WWOX: variants seen among roughly 807,000 people sequenced by gnomAD.
The protein encoded by WWOX is WW domain-containing oxidoreductase.
A neutral mutation model predicts 46.2 loss-of-function variants in WWOX; 69 were observed. The observed-to-expected ratio is 1.49, with a 90% CI of 1.23 to 1.82. WWOX has a LOEUF of 1.82. WWOX is among the 40% of genes most tolerant of loss of function. WWOX has a pLI of 0.00. For missense variants in WWOX, 919 were observed against 542.6 expected (o/e 1.69, Z -6.89); for synonymous variants, 359 against 202.6 (o/e 1.77, Z -6.56).
At chr16:78,547,110 T>G (rs1293490531) in intron 8 of WWOX, among the ~76,000 whole-genome samples, 4 of 122,234 alleles carry the variant, frequency 3.3e-5, no homozygotes, top group East Asian at 2.4e-4. Flanking sequence ...CCTGGGAGAG[T>G]GTGAGACCTT....
chr16:78,115,037 C>A lies in WWOX; in HGVS notation c.292C>A (p.Pro98Thr), dbSNP rs1403389679. The A allele has an allele frequency of 6.2e-7, 1 of 1,614,168 alleles. No homozygotes were observed. The highest frequency in any genetic ancestry group is 1.1e-5 in the South Asian group (1 of 91,086). The change falls in exon 4 of 9, where the codon CCG becomes ACG. Residue 98 changes from proline (P) to threonine (T), a missense_variant. Pro to Thr is a conservative substitution (Grantham distance 38). Transcript: ENST00000566780. Reference sequence around the variant, plus strand: ...ACTGGCGTTTACTGTGGATGATAATCCGACCAAGCCAACCACCCGGCAAAG... The same window carrying A: ...ACTGGCGTTTACTGTGGATGATAATACGACCAAGCCAACCACCCGGCAAAG... ...PRLAFTVDDN[P>T]TKPTTRQRYD... is the part of the protein sequence containing the mutation.
intron 8 of WWOX, among the ~76,000 whole-genome samples, chr16:79,058,402 G>T (rs563431509): frequency 6.6e-6 from 1 of 152,058 alleles, no homozygotes; most frequent in Non-Finnish European, 1.5e-5. Context: ...TTTGAATTGT[G>T]TGATTATTGT....
intron 5 of WWOX, among the ~76,000 whole-genome samples, chr16:78,240,186 A>G (rs2037590406): frequency 6.6e-6 from 1 of 152,150 alleles, no homozygotes; most frequent in South Asian, 2.1e-4. Context: ...CCTCATGAGA[A>G]GAGGAAAGCA....
intron 8 of WWOX, among the ~76,000 whole-genome samples, chr16:78,772,433 C>G (rs1457175754): frequency 6.6e-6 from 1 of 151,678 alleles, no homozygotes; most frequent in African/African-American, 2.4e-5. Flanking sequence ...TTTTTTAATC[C>G]AATCTGTCAT....
intron 8 of WWOX, among the ~76,000 whole-genome samples, chr16:79,056,809 C>G (rs759990772): frequency 1.3e-5 from 2 of 152,126 alleles, no homozygotes. Flanking sequence ...ACTTGATTTT[C>G]TTTAAAGGAC....
intron 7 of WWOX, among the ~76,000 whole-genome samples, chr16:78,428,855 G>A (rs1039950575): frequency 1.3e-5 from 2 of 152,110 alleles, no homozygotes; most frequent in South Asian, 4.1e-4. Context: ...AGAATAAGCA[G>A]AAACCAAAAG....
At chr16:78,460,354 C>G (rs1463008751) in intron 8 of WWOX, among the ~76,000 whole-genome samples, 1 of 152,124 alleles carries the variant, frequency 6.6e-6, no homozygotes, top group African/African-American at 2.4e-5. Flanking sequence ...TCTCAAACTA[C>G]TGACCTCTCC....
intron 8 of WWOX, among the ~76,000 whole-genome samples, chr16:78,700,250 G>T (rs1444164614): frequency 6.7e-6 from 1 of 150,066 alleles, no homozygotes; most frequent in East Asian, 2.0e-4. Context: ...GTTGGTTTCT[G>T]GTGAGTGCTC....
chr16:78,454,625 C>T lies in WWOX; in HGVS notation c.1056+21873C>T, dbSNP rs1455646551. 3.3e-5 allele frequency among the ~76,000 whole-genome samples: 5 copies of T among 152,160 alleles called. No individual in the cohort carries two copies. In the East Asian group the frequency reaches 9.6e-4, roughly 29 times the overall value. ...GGATCAAGCGATTCTCCTGCCTCAG[C>T]CTCTTGAGTAGCTGGGATTACAGGC... is the stretch of plus-strand genomic sequence containing the variant. On this transcript the variant is annotated intron_variant, in intron 8 of 8. Coordinates refer to ENST00000566780, the MANE Select transcript of WWOX (RefSeq NM_016373.4).
At chr16:78,139,585 C>T (rs2033916074) in intron 4 of WWOX, among the ~76,000 whole-genome samples, 1 of 152,168 alleles carries the variant, frequency 6.6e-6, no homozygotes, top group South Asian at 2.1e-4. Flanking sequence ...GCGGAGGTTG[C>T]AGCGAGCTGA....
chr16:78,299,848 A>C (rs530114412), intron 5 of WWOX, among the ~76,000 whole-genome samples: 1 of 152,146 alleles, frequency 6.6e-6, no homozygotes, highest in African/African-American at 2.4e-5. Flanking sequence ...ATTTCTTGTC[A>C]AGCAGGACAT....
intron 8 of WWOX, among the ~76,000 whole-genome samples, chr16:78,777,337 T>G (rs2142541015): frequency 6.6e-6 from 1 of 152,298 alleles, no homozygotes; most frequent in East Asian, 1.9e-4. Flanking sequence ...TCCAGGACAG[T>G]GGCCCCATGT....
chr16:78,220,482 C>G (rs1054344959), intron 5 of WWOX, among the ~76,000 whole-genome samples: 3 of 152,002 alleles, frequency 2.0e-5, no homozygotes, highest in Non-Finnish European at 4.4e-5. Context: ...TTTAATTTCT[C>G]GACAGTCTCC....
chr16:78,939,469 C>G (rs1470619762), intron 8 of WWOX, among the ~76,000 whole-genome samples: 1 of 152,130 alleles, frequency 6.6e-6, no homozygotes, highest in Non-Finnish European at 1.5e-5. Flanking sequence ...TAAGGGTGGA[C>G]TTAATTTTTT....
chr16:78,810,985 G>A (rs2051174067), intron 8 of WWOX, among the ~76,000 whole-genome samples: 1 of 152,138 alleles, frequency 6.6e-6, no homozygotes, highest in African/African-American at 2.4e-5. Flanking sequence ...GTGAACCGAG[G>A]ACGCATCAAA....
At chr16:78,475,066 A>G (rs1228440872) in intron 8 of WWOX, among the ~76,000 whole-genome samples, 3 of 152,198 alleles carry the variant, frequency 2.0e-5, no homozygotes, top group African/African-American at 7.2e-5. Context: ...TGTGTTTGTC[A>G]GGTGCATAAA....
chr16:78,957,539 A>T (rs975712895), intron 8 of WWOX, among the ~76,000 whole-genome samples: 1 of 152,178 alleles, frequency 6.6e-6, no homozygotes, highest in African/African-American at 2.4e-5. Context: ...CTACTGCTGC[A>T]CACCTTTAAT....
In WWOX at chr16:78,333,043, C is replaced by CTTTTTTTTTTTTTTTTTTTTTTTTTTTT. The variant is rs11289222; in HGVS notation, c.517-53793_517-53792insTTTTTTTTTTTTTTTTTTTTTTTTTTTT. Among the ~76,000 whole-genome samples the CTTTTTTTTTTTTTTTTTTTTTTTTTTTT allele has an allele frequency of 3.9e-4, 22 of 57,122 alleles. 7 individuals carry two copies. The highest frequency in any genetic ancestry group is 4.6e-4 in the Non-Finnish European group (12 of 26,260). The allele number at this position is 57,122 out of a possible 152,430, so 37.5% of individuals were successfully genotyped here. A position where few individuals can be genotyped will look rare whatever the true frequency, so the allele number is the denominator to read the frequency against. ...CTGAGTAGCATGGAAGAGCATTATACTTTTTTTTTTTTTTTTTTTTTTTTG... is the reference window on the plus strand; with the variant it reads ...CTGAGTAGCATGGAAGAGCATTATACTTTTTTTTTTTTTTTTTTTTTTTTTTTTTTTTTTTTTTTTTTTTTTTTTTTTG... On this transcript the variant is annotated intron_variant, in intron 5 of 8. Coordinates refer to ENST00000566780, the MANE Select transcript of WWOX (RefSeq NM_016373.4).
intron 8 of WWOX, among the ~76,000 whole-genome samples, chr16:78,755,145 C>G (rs985162571): frequency 6.6e-6 from 1 of 151,254 alleles, no homozygotes; most frequent in Non-Finnish European, 1.5e-5. Context: ...CAGCAAACCA[C>G]CATGGCACAT....
Sources: allele counts gnomAD v4.1 joint callset (sites outside exome capture counted in the v4.1 genomes callset), GRCh38; gene constraint gnomAD v4.1.1; transcripts MANE v1.5; gene names NCBI Gene and HGNC (gene_info 2026-07-23, HGNC 2026-07-21).